The following ADAM7 variants were observed in gnomAD, a reference collection of about 807,000 sequenced individuals.
ADAM7 encodes the protein ADAM metallopeptidase domain 7.
A neutral mutation model predicts 102.9 loss-of-function variants in ADAM7; 97 were observed. The observed-to-expected ratio is 0.94, with a 90% CI of 0.80 to 1.12. The LOEUF is 1.12. ADAM7 is among the 50% of genes most tolerant of loss of function. The pLI is 0.00. For synonymous variants in ADAM7, 334 were observed against 304.4 expected (o/e 1.10, Z -1.01); for missense variants, 991 against 908.7 (o/e 1.09, Z -1.16).
chr8:24,462,391 A>C (rs2129380352), intron 3 of ADAM7, among the ~76,000 whole-genome samples: 1 of 152,296 alleles, frequency 6.6e-6, no homozygotes, highest in East Asian at 1.9e-4. Context: ...TGGCTTTTCA[A>C]ATAAGAACAA....
chr8:24,507,470 T>A lies in ADAM7; in HGVS notation c.2209-10T>A, dbSNP rs1285584480. 3 of 1,607,674 alleles carry A rather than the reference T, an allele frequency of 1.9e-6. No individual in the cohort carries two copies. In the African/African-American group the frequency reaches 4.0e-5, roughly 22 times the overall value. On this transcript the variant is annotated splice_polypyrimidine_tract_variant and intron_variant, in intron 20 of 21. Coordinates refer to ENST00000175238, the MANE Select transcript of ADAM7 (RefSeq NM_003817.4). Reference sequence around the variant, plus strand: ...GTGGCACATGATACAACATAATTTATTTATTATAGAAACCTGCAAGTAAAG... The same window carrying A: ...GTGGCACATGATACAACATAATTTAATTATTATAGAAACCTGCAAGTAAAG...
At chr8:24,453,239 A>G (rs989191803) in intron 3 of ADAM7, among the ~76,000 whole-genome samples, 11 of 152,062 alleles carry the variant, frequency 7.2e-5, no homozygotes, top group Admixed American at 3.3e-4. Flanking sequence ...AATATCTTGC[A>G]GAGTGTTTTC....
Position 24,508,948 on chromosome 8 carries a change from T to C in ADAM7, c.*402T>C. ...AGTTACTTTTTTGGAAACATAAAAG[T>C]ACGTTTTAAAACTTGAACATGACAT... On this transcript the variant is annotated 3_prime_UTR_variant, in exon 22 of 22. Coordinates refer to ENST00000175238, the MANE Select transcript of ADAM7 (RefSeq NM_003817.4). The C allele has an allele frequency of 2.0e-6, 2 of 1,020,760 alleles. No individual in the cohort carries two copies. Among genetic ancestry groups the C allele is most frequent in the Non-Finnish European group, 2.3e-6 (2 of 853,344 alleles). The allele number at this position is 1,020,760 out of a possible 1,614,324, so 63.2% of individuals were successfully genotyped here. A position where few individuals can be genotyped will look rare whatever the true frequency, so the allele number is the denominator to read the frequency against.
chr8:24,449,448 C>A (rs962068592), intron 3 of ADAM7, among the ~76,000 whole-genome samples: 31 of 152,242 alleles, frequency 2.0e-4, no homozygotes, highest in African/African-American at 5.5e-4. Context: ...GCATAAATAT[C>A]TTCTTTTGAG....
intron 3 of ADAM7, among the ~76,000 whole-genome samples, chr8:24,449,829 A>C (rs1258305348): frequency 6.6e-6 from 1 of 152,192 alleles, no homozygotes; most frequent in Non-Finnish European, 1.5e-5. Flanking sequence ...TTTTTGTATA[A>C]GGTGTAAAGA....
In ADAM7 at chr8:24,443,724, G is replaced by A. The variant is rs376682501; in HGVS notation, c.156+1148G>A. 3.9e-3 allele frequency among the ~76,000 whole-genome samples: 591 copies of A among 152,206 alleles called. 5 individuals carry two copies. The highest frequency in any genetic ancestry group is 6.8e-3 in the Middle Eastern group (2 of 294). Reference sequence around the variant, plus strand: ...AGGCCGAGGAGGGCAGATCACGTGAGGCCAGGAGTTCAAGACCAGCCTGGC... The same window carrying A: ...AGGCCGAGGAGGGCAGATCACGTGAAGCCAGGAGTTCAAGACCAGCCTGGC... On this transcript the variant is annotated intron_variant, in intron 2 of 21. Coordinates refer to ENST00000175238, the MANE Select transcript of ADAM7 (RefSeq NM_003817.4).
At chr8:24,469,866 G>T (rs1819548070) in intron 7 of ADAM7, among the ~76,000 whole-genome samples, 1 of 152,024 alleles carries the variant, frequency 6.6e-6, no homozygotes, top group African/African-American at 2.4e-5. Flanking sequence ...TGTGAAGAAA[G>T]AATTAGTGAA....
At chr8:24,472,194 G>C (rs948735176) in intron 7 of ADAM7, among the ~76,000 whole-genome samples, 2 of 148,880 alleles carry the variant, frequency 1.3e-5, no homozygotes, top group African/African-American at 4.9e-5. Flanking sequence ...GAAAATGTAA[G>C]GTCAAGAGGA....
intron 3 of ADAM7, among the ~76,000 whole-genome samples, chr8:24,449,683 G>A (rs1300170945): frequency 6.6e-6 from 1 of 152,042 alleles, no homozygotes; most frequent in Non-Finnish European, 1.5e-5. Context: ...TTTGGCTTTT[G>A]TTGCCATTGC....
chr8:24,473,862 T>C (rs1819686151), intron 7 of ADAM7, among the ~76,000 whole-genome samples: 1 of 152,060 alleles, frequency 6.6e-6, no homozygotes, highest in Non-Finnish European at 1.5e-5. Flanking sequence ...AAAGTGATAA[T>C]TTCAAATATC....
intron 10 of ADAM7, 51 bp downstream of exon 10, chr8:24,485,412 G>T: frequency 1.3e-6 from 2 of 1,540,002 alleles, no homozygotes; most frequent in Non-Finnish European, 1.8e-6. Context: ...TAAAATTGTT[G>T]TAATGTCCTG....
intron 16 of ADAM7, among the ~76,000 whole-genome samples, chr8:24,495,111 C>T (rs1820509732): frequency 6.6e-6 from 1 of 152,058 alleles, no homozygotes; most frequent in Non-Finnish European, 1.5e-5. Flanking sequence ...CCCCAGCTGG[C>T]GTGAGTGAAG....
intron 16 of ADAM7, among the ~76,000 whole-genome samples, chr8:24,494,500 G>A (rs1035476907): frequency 1.3e-5 from 2 of 151,718 alleles, no homozygotes; most frequent in African/African-American, 4.9e-5. Context: ...ACTGAAGAAA[G>A]GGGCTGTTAG....
At chr8:24,484,096 G>C (rs1820052778) in intron 9 of ADAM7, among the ~76,000 whole-genome samples, 1 of 152,130 alleles carries the variant, frequency 6.6e-6, no homozygotes, top group Non-Finnish European at 1.5e-5. Context: ...GGACACTCAA[G>C]ATTATTCTTG....
rs971519780 is a variant in ADAM7 at position 24,492,441 on chromosome 8, G to A, written c.1553-54G>A. ...ACATTAGAAAAATAAGGTCTTTTAT[G>A]ATTCATGATAGTCATGCTTTATTGT... On this transcript the variant is annotated intron_variant, in intron 14 of 21. Transcript: ENST00000175238. 1.0e-5 allele frequency: 13 copies of A among 1,263,410 alleles called. No individual in the cohort carries two copies. The African/African-American group carries it at 2.0e-4, about 19-fold the overall frequency. The allele number at this position is 1,263,410 out of a possible 1,614,324, so 78.3% of individuals were successfully genotyped here. A position where few individuals can be genotyped will look rare whatever the true frequency, so the allele number is the denominator to read the frequency against.
At chr8:24,452,380 A>C (rs1259038454) in intron 3 of ADAM7, among the ~76,000 whole-genome samples, 1 of 147,624 alleles carries the variant, frequency 6.8e-6, no homozygotes, top group Non-Finnish European at 1.5e-5. Context: ...CTTCTTGTTG[A>C]ATTGATCCCT....
In ADAM7 at chr8:24,491,986, T is replaced by C. The variant is rs2129392335; in HGVS notation, c.1440T>C (p.Cys480=). 1.2e-6 allele frequency: 2 copies of C among 1,613,968 alleles called. No homozygotes were observed. Among genetic ancestry groups the C allele is most frequent in the African/African-American group, 1.3e-5 (1 of 75,046 alleles). ...TGTGCACTGGCCACTCGCCTGCCTG[T>C]CCTAAGGACCAGTTCAGGGTCAATG... is the stretch of plus-strand genomic sequence containing the variant. ...PEMCTGHSPA[C]PKDQFRVNGF... Residue 480 remains cysteine, a synonymous_variant, in exon 14 of 22, where the codon TGT becomes TGC. Transcript: ENST00000175238.
chr8:24,492,203 C>T, intron 14 of ADAM7, 105 bp downstream of exon 14: 1 of 1,158,774 alleles, frequency 8.6e-7, no homozygotes, highest in Non-Finnish European at 1.2e-6. Context: ...TCATTTGTGG[C>T]ATTATTCCAA....
chr8:24,474,795 T>C (rs1167101623), intron 7 of ADAM7, among the ~76,000 whole-genome samples: 1 of 151,956 alleles, frequency 6.6e-6, no homozygotes, highest in East Asian at 1.9e-4. Context: ...CATGGGAGGC[T>C]GAGACAAGAG....
Sources: gnomAD v4.1 joint callset for allele counts (sites outside exome capture counted in the v4.1 genomes callset) on GRCh38, gnomAD v4.1.1 for gene constraint, MANE v1.5 for transcripts, NCBI Gene and HGNC (gene_info 2026-07-23, HGNC 2026-07-21) for gene names.